The following BRINP2 variants were observed in gnomAD, a reference collection of about 807,000 sequenced individuals.
BRINP2 encodes the protein BMP/retinoic acid inducible neural specific 2.
BRINP2 carries 21 observed loss-of-function variants against 69.2 expected under a neutral mutation model. The observed-to-expected ratio is 0.30, with a 90% CI of 0.22 to 0.44. The LOEUF is 0.44. BRINP2 is among the 20% of genes least tolerant of loss of function. The pLI is 1.00. For synonymous variants in BRINP2, 380 were observed against 394.1 expected (o/e 0.96, Z 0.42); for missense variants, 877 against 986.0 (o/e 0.89, Z 1.48).
chr1:177,183,968 A>C lies in BRINP2; in HGVS notation c.-77+12236A>C, dbSNP rs1648341218. Among the ~76,000 whole-genome samples the C allele has an allele frequency of 3.3e-5, 5 of 152,142 alleles. No homozygotes were observed. The South Asian group carries it at 1.0e-3, about 31-fold the overall frequency. ...ACATTCAATGAGAAATAATTATGAA[A>C]ACTTTTTTAAAGAGAGAGATAAGTG... On this transcript the variant is annotated intron_variant, in intron 1 of 7. Transcript: ENST00000361539.
chr1:177,215,648 C>T (rs1302171885), intron 1 of BRINP2, among the ~76,000 whole-genome samples: 1 of 151,990 alleles, frequency 6.6e-6, no homozygotes, highest in East Asian at 1.9e-4. Flanking sequence ...GTGACAATTT[C>T]ACTTTTTCTT....
At chr1:177,180,401 G>A (rs1422936130) in intron 1 of BRINP2, among the ~76,000 whole-genome samples, 1 of 152,140 alleles carries the variant, frequency 6.6e-6, no homozygotes, top group Admixed American at 6.5e-5. Flanking sequence ...GCTTGTATCA[G>A]CCTCAGTACC....
chr1:177,194,785 G>A (rs143171593), intron 1 of BRINP2, among the ~76,000 whole-genome samples: 1 of 152,240 alleles, frequency 6.6e-6, no homozygotes, highest in Non-Finnish European at 1.5e-5. Flanking sequence ...ATGTGTGTGT[G>A]TGTGTGCACA....
rs548400609 is a variant in BRINP2, at chr1:177,214,154, G to A, written c.-76-15647G>A. 5.8e-4 allele frequency among the ~76,000 whole-genome samples: 89 copies of A among 152,236 alleles called. 1 individual carries two copies. The highest frequency in any genetic ancestry group is 1.9e-3 in the African/African-American group (79 of 41,534). On this transcript the variant is annotated intron_variant, in intron 1 of 7. Coordinates refer to ENST00000361539, the MANE Select transcript of BRINP2 (RefSeq NM_021165.4). The stretch of plus-strand genomic sequence containing the variant: ...ACTTGATGTTAAAGAATTAAAGGCC[G>A]GGTGCGGTAGCTCATGCCTGTAATC...
chr1:177,194,775 A>ATGTG (rs141397930), intron 1 of BRINP2, among the ~76,000 whole-genome samples: 7 of 150,644 alleles, frequency 4.6e-5, no homozygotes, highest in Non-Finnish European at 8.9e-5. Flanking sequence ...GTGTGTGTGT[A>ATGTG]TGTGTGTGTG....
chr1:177,273,656 A>G, intron 5 of BRINP2, 63 bp downstream of exon 5: 1 of 1,071,372 alleles, frequency 9.3e-7, no homozygotes. Flanking sequence ...AAATTCCTAG[A>G]TCAAATAGCG....
chr1:177,193,221 G>A (rs985185818), intron 1 of BRINP2, among the ~76,000 whole-genome samples: 3 of 149,364 alleles, frequency 2.0e-5, no homozygotes, highest in Non-Finnish European at 3.0e-5. Flanking sequence ...CCTACAGTCA[G>A]AAGCCACGAG....
intron 1 of BRINP2, among the ~76,000 whole-genome samples, chr1:177,216,570 A>C (rs1649383394): frequency 6.6e-6 from 1 of 152,096 alleles, no homozygotes; most frequent in Non-Finnish European, 1.5e-5. Flanking sequence ...TTGCTACATA[A>C]AACTTATACT....
chr1:177,269,176 C>T (rs1323291138), intron 4 of BRINP2, among the ~76,000 whole-genome samples: 1 of 152,200 alleles, frequency 6.6e-6, no homozygotes, highest in African/African-American at 2.4e-5. Flanking sequence ...AGAGCCCTGC[C>T]CTGGCACTAG....
chr1:177,188,985 T>C (rs771069313), intron 1 of BRINP2, among the ~76,000 whole-genome samples: 1 of 152,160 alleles, frequency 6.6e-6, no homozygotes, highest in Non-Finnish European at 1.5e-5. Context: ...CAGGACAAGG[T>C]ACACACTAAT....
intron 5 of BRINP2, chr1:177,275,112 C>T: frequency 2.2e-6 from 1 of 456,304 alleles, no homozygotes; most frequent in South Asian, 1.5e-5. Context: ...GGGGAGCCTC[C>T]TGCAGATCTG....
At chr1:177,247,580 A>T (rs1312338747) in intron 2 of BRINP2, among the ~76,000 whole-genome samples, 2 of 152,278 alleles carry the variant, frequency 1.3e-5, no homozygotes, top group Non-Finnish European at 2.9e-5. Flanking sequence ...GGAGAATAAT[A>T]GCCCAGTCTC....
chr1:177,196,514 A>G (rs775756694), intron 1 of BRINP2, among the ~76,000 whole-genome samples: 1 of 152,132 alleles, frequency 6.6e-6, no homozygotes, highest in Non-Finnish European at 1.5e-5. Context: ...GCTACTTGGG[A>G]GGCTGAGGCA....
chr1:177,206,906 C>T (rs1649083980), intron 1 of BRINP2, among the ~76,000 whole-genome samples: 1 of 152,038 alleles, frequency 6.6e-6, no homozygotes, highest in Non-Finnish European at 1.5e-5. Context: ...AGATTAGGGG[C>T]AAGAGTGAAA....
At chr1:177,224,570 T>C (rs973649008) in intron 1 of BRINP2, among the ~76,000 whole-genome samples, 1 of 151,970 alleles carries the variant, frequency 6.6e-6, no homozygotes, top group Non-Finnish European at 1.5e-5. Context: ...GGGAGCCAAC[T>C]TGTAAGTGGC....
At chr1:177,266,634 C>A (rs1651132756) in intron 4 of BRINP2, among the ~76,000 whole-genome samples, 1 of 151,558 alleles carries the variant, frequency 6.6e-6, no homozygotes, top group South Asian at 2.1e-4. Flanking sequence ...GTGGCGGGCA[C>A]CTGTAGTCCC....
At chr1:177,266,201 C>T (rs553304037) in intron 4 of BRINP2, among the ~76,000 whole-genome samples, 49 of 152,094 alleles carry the variant, frequency 3.2e-4, no homozygotes, top group African/African-American at 1.0e-3. Flanking sequence ...CTTAACTAAA[C>T]GATGTGACTA....
rs1002459800 is a variant in BRINP2, at chr1:177,171,671, C to T, written c.-138C>T. ...CCTGGAATCTTTTAGGAGTCTCCTCCCAGTCGTTGAAGGTTTGGGGAGCAG... is the reference window on the plus strand; with the variant it reads ...CCTGGAATCTTTTAGGAGTCTCCTCTCAGTCGTTGAAGGTTTGGGGAGCAG... On this transcript the variant is annotated 5_prime_UTR_variant, in exon 1 of 8. Transcript: ENST00000361539. 5.3e-5 allele frequency: 8 copies of T among 152,276 alleles called. No individual in the cohort carries two copies. The highest frequency in any genetic ancestry group is 1.9e-4 in the African/African-American group (8 of 41,534). The allele number at this position is 152,276 out of a possible 1,614,324, so 9.4% of individuals were successfully genotyped here.
intron 1 of BRINP2, among the ~76,000 whole-genome samples, chr1:177,176,018 C>G (rs575515894): frequency 6.6e-6 from 1 of 152,296 alleles, no homozygotes; most frequent in South Asian, 2.1e-4. Flanking sequence ...GAACCAATCT[C>G]GTCTGACCAA....
Sources: gnomAD v4.1 joint callset for allele counts (sites outside exome capture counted in the v4.1 genomes callset) on GRCh38, gnomAD v4.1.1 for gene constraint, MANE v1.5 for transcripts, NCBI Gene and HGNC (gene_info 2026-07-23, HGNC 2026-07-21) for gene names.